SLITRK3: variants seen among roughly 807,000 people sequenced by gnomAD.
SLITRK3 encodes the protein SLIT and NTRK-like protein 3.
A neutral mutation model predicts 63.6 loss-of-function variants in SLITRK3; 16 were observed. The ratio of observed to expected loss-of-function variants is 0.25; its 90% confidence interval spans 0.17 to 0.38. SLITRK3 has a LOEUF of 0.38. Among genes scored for constraint, SLITRK3 ranks in the 10% least tolerant of loss-of-function variants. The pLI, the probability that SLITRK3 is intolerant of heterozygous loss-of-function variation, is 1.00. For missense variants in SLITRK3, 1,117 were observed against 1,181.4 expected, an observed-to-expected ratio of 0.95 and a Z score of 0.80; for synonymous variants, 547 against 451.6, an observed-to-expected ratio of 1.21 and a Z score of -2.68.
Position 165,187,661 on chromosome 3 carries a change from G to T in SLITRK3, c.*236C>A, listed in dbSNP as rs1176046203. 2 of 391,494 alleles carry T rather than the reference G, an allele frequency of 5.1e-6. No homozygotes were observed. Among genetic ancestry groups the T allele is most frequent in the South Asian group, 9.9e-5 (1 of 10,136 alleles). 24.3% of individuals were successfully genotyped at this position (391,494 alleles called of 1,614,324 possible). A position where few individuals can be genotyped will look rare whatever the true frequency, so the allele number is the denominator to read the frequency against. The stretch of plus-strand genomic sequence containing the variant: ...ATAACATTTGCTGGCAAAAGTCTGC[G>T]AAGGCACTTTCATTGATTAATGATC... On this transcript the variant is annotated 3_prime_UTR_variant, in exon 2 of 2. Coordinates refer to ENST00000475390, the MANE Select transcript of SLITRK3 (RefSeq NM_001318810.2).
chr3:165,193,892 G>A (rs1053877063), intron 1 of SLITRK3, among the ~76,000 whole-genome samples: 1 of 152,072 alleles, frequency 6.6e-6, no homozygotes, highest in Admixed American at 6.6e-5. Context: ...AGTGGGAGTG[G>A]GGGTGGAGGT....
Position 165,190,539 on chromosome 3 carries a change from G to T in SLITRK3, c.292C>A (p.Leu98Ile). The T allele has an allele frequency of 1.2e-6, 2 of 1,613,796 alleles. No homozygotes were observed. Among genetic ancestry groups the T allele is most frequent in the South Asian group, 1.1e-5 (1 of 91,060 alleles). The change falls in exon 2 of 2, where the codon CTT (leucine) becomes ATT (isoleucine). Residue 98 changes from leucine to isoleucine, a missense_variant. This residue lies in a region of SLITRK3 where 452 missense variants were observed against 495.3 expected (regional missense o/e 0.91). Transcript: ENST00000475390. ...SMRKLYTNSF[L>I]HLNNAVSINL... The stretch of plus-strand genomic sequence containing the variant: ...ATAGACACAGCATTATTCAAATGAA[G>T]AAAACTGTTGGTATATAATTTCCTC...
rs769276961 is a variant in SLITRK3, at chr3:165,189,679, A to G, written c.1152T>C (p.Asn384=). 1 of 1,614,170 alleles carries G rather than the reference A, an allele frequency of 6.2e-7. No individual in the cohort carries two copies. The highest frequency in any genetic ancestry group is 8.5e-7 in the Non-Finnish European group (1 of 1,180,028). The part of the protein sequence containing the change: ...PTGCTCNLHI[N]DLGLTVNCKE... ...TGCAGTTGACAGTCAAGCCAAGGTCATTGATGTGCAAATTACAGGTACACC... is the reference window on the plus strand; with the variant it reads ...TGCAGTTGACAGTCAAGCCAAGGTCGTTGATGTGCAAATTACAGGTACACC... The change falls in exon 2 of 2, where the codon AAT becomes AAC. Residue 384 remains asparagine (N), a synonymous_variant. Coordinates refer to ENST00000475390, the MANE Select transcript of SLITRK3 (RefSeq NM_001318810.2). This position sits in a 1 kb window ranked among gnomAD's most constrained non-coding sequence, Gnocchi z 4.0.
In SLITRK3 at chr3:165,189,927, T is replaced by G; in HGVS notation, c.904A>C (p.Lys302Gln). ...SLGIPHSSSS[K>Q]ENAWPTKPSS... Reference sequence around the variant, plus strand: ...GGCTTAGTTGGCCATGCATTCTCCTTACTTGATGACGAATGTGGAATTCCC... The same window carrying G: ...GGCTTAGTTGGCCATGCATTCTCCTGACTTGATGACGAATGTGGAATTCCC... Residue 302 changes from lysine (K) to glutamine (Q), a missense_variant, in exon 2 of 2, where the codon AAG (lysine) becomes CAG (glutamine). Transcript: ENST00000475390. This position sits in a 1 kb window ranked among gnomAD's most constrained non-coding sequence, Gnocchi z 4.0. 1 of 1,614,144 alleles carries G rather than the reference T, an allele frequency of 6.2e-7. No homozygotes were observed. The highest frequency in any genetic ancestry group is 8.5e-7 in the Non-Finnish European group (1 of 1,180,024).
rs534321697 is a variant in SLITRK3 at position 165,191,984 on chromosome 3, G to A, written c.-21-1133C>T. On this transcript the variant is annotated intron_variant, in intron 1 of 1. Coordinates refer to ENST00000475390, the MANE Select transcript of SLITRK3 (RefSeq NM_001318810.2). ...TCGTTTTCCTTGCCTAATAACATCA[G>A]TATATGAAAATGTTTACATAAATGA... Among the ~76,000 whole-genome samples, 109 of 152,234 alleles carry A rather than the reference G, an allele frequency of 7.2e-4. 1 individual carries two copies. The highest frequency in any genetic ancestry group is 2.6e-3 in the African/African-American group (107 of 41,532).
At chr3:165,192,718 G>C (rs1718280031) in intron 1 of SLITRK3, among the ~76,000 whole-genome samples, 1 of 151,284 alleles carries the variant, frequency 6.6e-6, no homozygotes, top group African/African-American at 2.4e-5. Flanking sequence ...GCAAGCTTGA[G>C]ACGTGCTGGG....
intron 1 of SLITRK3, among the ~76,000 whole-genome samples, chr3:165,194,399 C>T (rs1246648839): frequency 6.6e-6 from 1 of 152,076 alleles, no homozygotes; most frequent in Non-Finnish European, 1.5e-5. Context: ...TTAAAATGAC[C>T]GCACAGGAGT....
chr3:165,192,177 T>C (rs1392387488), intron 1 of SLITRK3, among the ~76,000 whole-genome samples: 1 of 150,870 alleles, frequency 6.6e-6, no homozygotes, highest in Non-Finnish European at 1.5e-5. Context: ...TAAACCACAA[T>C]GATATAATTT....
intron 1 of SLITRK3, among the ~76,000 whole-genome samples, chr3:165,194,475 A>G (rs1718348414): frequency 1.3e-5 from 2 of 152,062 alleles, no homozygotes; most frequent in South Asian, 2.1e-4. Context: ...GGAGGGCAGA[A>G]TTTTCTAACA....
Position 165,189,271 on chromosome 3 carries a change from T to C in SLITRK3, c.1560A>G (p.Pro520=). The part of the protein sequence containing the change: ...FLNNNLLRTL[P]TDAFAGTSLA... Reference sequence around the variant, plus strand: ...GGGATGTGCCAGCAAAGGCGTCTGTTGGCAGAGTCCTCAGTAAGTTATTAT... The same window carrying C: ...GGGATGTGCCAGCAAAGGCGTCTGTCGGCAGAGTCCTCAGTAAGTTATTAT... Residue 520 remains proline (P), a synonymous_variant, in exon 2 of 2, where the codon CCA becomes CCG. Transcript: ENST00000475390. This position sits in a 1 kb window ranked among gnomAD's most constrained non-coding sequence, Gnocchi z 4.0. 1 of 1,614,078 alleles carries C rather than the reference T, an allele frequency of 6.2e-7. No individual in the cohort carries two copies. The highest frequency in any genetic ancestry group is 2.2e-5 in the East Asian group (1 of 44,890).
Position 165,188,018 on chromosome 3 carries a change from G to T in SLITRK3, c.2813C>A (p.Ser938Ter). ...GTGGTCTGTGAAGCCCTTTCCAGCC[G>T]AGAAGAGAAGGGTTTCTTTGAGCCT... ...DARLKETLLF[S>*]AGKGFTDHQT... Residue 938 changes from serine to a stop codon, truncating the protein, a stop_gained, in exon 2 of 2, where the codon TCG becomes TAG. Coordinates refer to ENST00000475390, the MANE Select transcript of SLITRK3 (RefSeq NM_001318810.2). LOFTEE classifies it high-confidence loss of function. 3 of 1,613,978 alleles carry T rather than the reference G, an allele frequency of 1.9e-6. No homozygotes were observed. The highest frequency in any genetic ancestry group is 2.5e-6 in the Non-Finnish European group (3 of 1,179,996).
At position 165,190,036 on chromosome 3, in the gene SLITRK3, G is replaced by A. The variant is rs770203697; in HGVS notation, c.795C>T (p.Phe265=). ...LVGDITCETP[F]HFHGKDLREI... ...CTCGTAGGTCCTTTCCATGGAAGTGGAAAGGGGTCTCACAGGTAATGTCTC... is the reference window on the plus strand; with the variant it reads ...CTCGTAGGTCCTTTCCATGGAAGTGAAAAGGGGTCTCACAGGTAATGTCTC... The change falls in exon 2 of 2, where the codon TTC becomes TTT. Residue 265 remains phenylalanine (F), a synonymous_variant. Transcript: ENST00000475390. 1.4e-5 allele frequency: 22 copies of A among 1,613,972 alleles called. No individual in the cohort carries two copies. The Admixed American group carries it at 2.0e-4, about 15-fold the overall frequency.
In SLITRK3 at chr3:165,188,747, C is replaced by T; in HGVS notation, c.2084G>A (p.Gly695Asp). 6.2e-7 allele frequency: 1 copy of T among 1,614,200 alleles called. No individual in the cohort carries two copies. The highest frequency in any genetic ancestry group is 8.5e-7 in the Non-Finnish European group (1 of 1,180,048). ...CATTTGGATGCCAGTAAGGTCCACA[C>T]CTTCCTGCCGCTTGCTTCTGAAGGG... ...KLPFRSKRQE[G>D]VDLTGIQMQC... The change falls in exon 2 of 2, where the codon GGT (glycine) becomes GAT (aspartate). Residue 695 changes from glycine (G) to aspartate (D), a missense_variant. Gly to Asp is a moderately conservative substitution (Grantham distance 94). Coordinates refer to ENST00000475390, the MANE Select transcript of SLITRK3 (RefSeq NM_001318810.2).
chr3:165,196,885 CTCTCTCTCTCTG>C (rs1352438512), upstream of SLITRK3: 3 of 127,880 alleles, frequency 2.3e-5, no homozygotes, highest in African/African-American at 6.5e-5. Context: ...CTCTCTCTCT[CTCTCTCTCTCTG>C]TCTCTCTCTC....
chr3:165,189,772 A>G lies in SLITRK3; in HGVS notation c.1059T>C (p.Pro353=). The G allele has an allele frequency of 1.2e-6, 2 of 1,614,182 alleles. No homozygotes were observed. The highest frequency in any genetic ancestry group is 1.3e-5 in the African/African-American group (1 of 75,046). Residue 353 remains proline, a synonymous_variant, in exon 2 of 2, where the codon CCT becomes CCC. Coordinates refer to ENST00000475390, the MANE Select transcript of SLITRK3 (RefSeq NM_001318810.2). The surrounding 1 kb of genome is among the most constrained non-coding windows in gnomAD (Gnocchi z 4.0). ...GAGCAATGGGAGGCTGGTTTGGACC[A>G]GGATATAAAGCTTGGGAGGTGGAGG... ...RPPSTSQALY[P]GPNQPPIAPY...
In SLITRK3 at chr3:165,189,741, G is replaced by T; in HGVS notation, c.1090C>A (p.Gln364Lys). 6.2e-7 allele frequency: 1 copy of T among 1,614,184 alleles called. No individual in the cohort carries two copies. The highest frequency in any genetic ancestry group is 8.5e-7 in the Non-Finnish European group (1 of 1,180,026). ...GPNQPPIAPY[Q>K]TRPPIPIICP... ...ATAATGGGGATTGGTGGTCTGGTCT[G>T]ATAAGGAGCAATGGGAGGCTGGTTT... Residue 364 changes from glutamine to lysine, a missense_variant, in exon 2 of 2, where the codon CAG (glutamine) becomes AAG (lysine). Physicochemically the swap from Gln to Lys is moderately conservative, Grantham distance 53. Coordinates refer to ENST00000475390, the MANE Select transcript of SLITRK3 (RefSeq NM_001318810.2). This position sits in a 1 kb window ranked among gnomAD's most constrained non-coding sequence, Gnocchi z 4.0.
At position 165,187,731 on chromosome 3, in the gene SLITRK3, T is replaced by C. The variant is rs1301382970; in HGVS notation, c.*166A>G. ...AAATCGCATCTGAGAGGGGAGAGCA[T>C]ACATCTGTATTCTCTAGTTATCATG... On this transcript the variant is annotated 3_prime_UTR_variant, in exon 2 of 2. Coordinates refer to ENST00000475390, the MANE Select transcript of SLITRK3 (RefSeq NM_001318810.2). 2 of 555,306 alleles carry C rather than the reference T, an allele frequency of 3.6e-6. No homozygotes were observed. The highest frequency in any genetic ancestry group is 1.9e-5 in the African/African-American group (1 of 53,510). 34.4% of individuals were successfully genotyped at this position (555,306 alleles called of 1,614,324 possible).
Position 165,189,118 on chromosome 3 carries a change from G to C in SLITRK3, c.1713C>G (p.Val571=). The change falls in exon 2 of 2, where the codon GTC becomes GTG. Residue 571 remains valine, a synonymous_variant. Transcript: ENST00000475390. This position sits in a 1 kb window ranked among gnomAD's most constrained non-coding sequence, Gnocchi z 4.0. Reference sequence around the variant, plus strand: ...TGGTTTCGATCCACTGTTTAAAGGGGACCAGGTCACAGGTGCAGTCCCAAG... The same window carrying C: ...TGGTTTCGATCCACTGTTTAAAGGGCACCAGGTCACAGGTGCAGTCCCAAG... ...ENPWDCTCDL[V]PFKQWIETIS... 3.1e-6 allele frequency: 5 copies of C among 1,614,158 alleles called. No homozygotes were observed. Among genetic ancestry groups the C allele is most frequent in the Non-Finnish European group, 4.2e-6 (5 of 1,180,042 alleles).
rs369051891 is a variant in SLITRK3 at position 165,188,471 on chromosome 3, A to G, written c.2360T>C (p.Met787Thr). The G allele has an allele frequency of 5.0e-6, 8 of 1,611,980 alleles. No individual in the cohort carries two copies. In the African/African-American group the frequency reaches 9.4e-5, roughly 19 times the overall value. ...CTCACTTCCTAGGAGAGCCTCACCCATTCCCGGTGGTTGTGTCCCTGGACC... is the reference window on the plus strand; with the variant it reads ...CTCACTTCCTAGGAGAGCCTCACCCGTTCCCGGTGGTTGTGTCCCTGGACC... Reference protein sequence around the residue: ...RGGPGTQPPGMGEALLGSEQF... With the variant: ...RGGPGTQPPGTGEALLGSEQF... The change falls in exon 2 of 2, where the codon ATG becomes ACG. Residue 787 changes from methionine (M) to threonine (T), a missense_variant. By Grantham distance (81) the Met-to-Thr change is moderately conservative (BLOSUM62 -1). This residue lies in a region of SLITRK3 where 499 missense variants were observed against 463.6 expected (regional missense o/e 1.08). Coordinates refer to ENST00000475390, the MANE Select transcript of SLITRK3 (RefSeq NM_001318810.2).
Sources: gnomAD v4.1 joint callset for allele counts (sites outside exome capture counted in the v4.1 genomes callset) on GRCh38, gnomAD v4.1.1 for gene constraint, gnomAD v4.1.1 regional missense constraint, Gnocchi (gnomAD v3.1) non-coding constraint, MANE v1.5 for transcripts, NCBI Gene and HGNC (gene_info 2026-07-23, HGNC 2026-07-21) for gene names.